The following CNTN1 variants were observed in gnomAD, a reference collection of about 807,000 sequenced individuals.
The protein encoded by CNTN1 is contactin-1.
CNTN1 carries 38 observed loss-of-function variants against 126.4 expected under a neutral mutation model. The observed-to-expected ratio is 0.30, with a 90% CI of 0.23 to 0.39. The LOEUF is 0.39. Among genes scored for constraint, CNTN1 ranks in the 10% least tolerant of loss-of-function variants. The probability of loss-of-function intolerance (pLI) is 1.00; values close to 1 mark genes in which losing one functional copy is unlikely to be tolerated. For missense variants in CNTN1, 1,009 were observed against 1,248.4 expected, an observed-to-expected ratio of 0.81 and a Z score of 2.89; for synonymous variants, 413 against 422.6, an observed-to-expected ratio of 0.98 and a Z score of 0.28.
chr12:40,833,887 C>T (rs1160677283), intron 1 of CNTN1, among the ~76,000 whole-genome samples: 2 of 152,170 alleles, frequency 1.3e-5, no homozygotes, highest in Non-Finnish European at 2.9e-5. Flanking sequence ...TATCTTTATA[C>T]TTGAATATAG....
intron 14 of CNTN1, among the ~76,000 whole-genome samples, chr12:40,947,782 TACACACACACACACACACACAC>T (rs56852774): frequency 8.4e-6 from 1 of 118,920 alleles, no homozygotes; most frequent in African/African-American, 3.2e-5. Context: ...TATATATATA[TACACACACACACACACACACAC>T]ACACACACAC....
intron 23 of CNTN1, among the ~76,000 whole-genome samples, chr12:41,030,061 T>C (rs949657929): frequency 3.3e-5 from 5 of 152,072 alleles, no homozygotes; most frequent in South Asian, 2.1e-4. Flanking sequence ...AGAACAAAGA[T>C]GATAATAAAT....
Position 40,943,616 on chromosome 12 carries a change from G to A in CNTN1, c.1399G>A (p.Gly467Ser). 2 of 1,585,336 alleles carry A rather than the reference G, an allele frequency of 1.3e-6. No homozygotes were observed. The highest frequency in any genetic ancestry group is 1.7e-6 in the Non-Finnish European group (2 of 1,154,148). ...CACTAGAATACTCATTTGGGAAGAT[G>A]GTAGCTTGGAAATCAACAACATTAC... ...NSSRILIWEDGSLEINNITRN... is the reference protein window; with the variant it reads ...NSSRILIWEDSSLEINNITRN... Residue 467 changes from glycine (G) to serine (S), a missense_variant, in exon 13 of 24, where the codon GGT becomes AGT. By Grantham distance (56) the Gly-to-Ser change is moderately conservative (BLOSUM62 0). Transcript: ENST00000551295.
chr12:40,880,816 G>A (rs1234702145), intron 1 of CNTN1, among the ~76,000 whole-genome samples: 2 of 151,848 alleles, frequency 1.3e-5, no homozygotes, highest in South Asian at 2.1e-4. Context: ...TTCTTCTCAG[G>A]CTCCATGACA....
chr12:40,922,948 T>C (rs1157560222), intron 5 of CNTN1, among the ~76,000 whole-genome samples: 1 of 129,288 alleles, frequency 7.7e-6, no homozygotes, highest in East Asian at 2.2e-4. Flanking sequence ...TCCAGCCTGA[T>C]GACAGAGCAA....
At chr12:40,907,625 T>C (rs1944879218) in intron 1 of CNTN1, among the ~76,000 whole-genome samples, 1 of 152,238 alleles carries the variant, frequency 6.6e-6, no homozygotes, top group African/African-American at 2.4e-5. Context: ...TTTTCGTTTA[T>C]ATTAGTAATT....
At chr12:40,933,418 G>A in intron 7 of CNTN1, 43 bp from the exon 8 acceptor site, 1 of 1,240,008 alleles carries the variant, frequency 8.1e-7, no homozygotes, top group South Asian at 1.2e-5. Flanking sequence ...AACTAATATT[G>A]TGCCTAATAA....
chr12:41,028,310 G>A (rs1949077270), intron 22 of CNTN1, among the ~76,000 whole-genome samples: 1 of 152,126 alleles, frequency 6.6e-6, no homozygotes, highest in African/African-American at 2.4e-5. Flanking sequence ...GGGATTACAG[G>A]CATGAGCCAC....
At chr12:40,982,143 AT>A (rs1245262631) in intron 16 of CNTN1, among the ~76,000 whole-genome samples, 1 of 152,172 alleles carries the variant, frequency 6.6e-6, no homozygotes, top group Non-Finnish European at 1.5e-5. Flanking sequence ...GATTTAGGAT[AT>A]ATTTTAATAT....
At chr12:40,922,140 CTTAA>C in intron 4 of CNTN1, 112 bp from the exon 5 acceptor site, 1 of 822,068 alleles carries the variant, frequency 1.2e-6, no homozygotes. Context: ...GAATCATATT[CTTAA>C]TTGTCTGACT....
chr12:40,981,746 G>A (rs1947828248), intron 16 of CNTN1, among the ~76,000 whole-genome samples: 1 of 151,896 alleles, frequency 6.6e-6, no homozygotes, highest in Non-Finnish European at 1.5e-5. Flanking sequence ...CTGTAAAATG[G>A]AAGATTGAAG....
chr12:40,711,537 C>T (rs977794115), intron 1 of CNTN1, among the ~76,000 whole-genome samples: 4 of 152,056 alleles, frequency 2.6e-5, no homozygotes, highest in Non-Finnish European at 5.9e-5. Flanking sequence ...GCTTGGCTAA[C>T]TCTCTTTATC....
At chr12:40,761,605 G>A (rs1280521003) in intron 1 of CNTN1, among the ~76,000 whole-genome samples, 3 of 151,938 alleles carry the variant, frequency 2.0e-5, no homozygotes, top group Non-Finnish European at 4.4e-5. Flanking sequence ...AAAATCTACT[G>A]GTTGGTAGCT....
At chr12:40,924,995 A>G (rs1945593178) in intron 6 of CNTN1, among the ~76,000 whole-genome samples, 1 of 150,736 alleles carries the variant, frequency 6.6e-6, no homozygotes, top group Non-Finnish European at 1.5e-5. Context: ...GAAAGGATGT[A>G]TAATCAATCA....
chr12:40,984,001 A>G (rs1168685170), intron 16 of CNTN1, among the ~76,000 whole-genome samples: 1 of 143,798 alleles, frequency 7.0e-6, no homozygotes, highest in Non-Finnish European at 1.5e-5. Flanking sequence ...AATATTTAGT[A>G]ATATATTATT....
At chr12:40,695,318 A>G (rs185606336) in intron 1 of CNTN1, among the ~76,000 whole-genome samples, 1 of 152,216 alleles carries the variant, frequency 6.6e-6, no homozygotes, top group African/African-American at 2.4e-5. Context: ...TGGCTTTATG[A>G]TCCTCTCCAT....
intron 1 of CNTN1, among the ~76,000 whole-genome samples, chr12:40,766,006 G>A (rs1592062714): frequency 6.6e-6 from 1 of 152,270 alleles, no homozygotes; most frequent in African/African-American, 2.4e-5. Context: ...GAAACTAAGA[G>A]GAGGAAAGAC....
chr12:40,967,301 T>G (rs1299784829), intron 15 of CNTN1, among the ~76,000 whole-genome samples: 3 of 151,744 alleles, frequency 2.0e-5, no homozygotes, highest in Non-Finnish European at 4.4e-5. Context: ...ACCAATATGG[T>G]GAAACCCCAT....
At chr12:40,818,966 G>A (rs1024783101) in intron 1 of CNTN1, among the ~76,000 whole-genome samples, 12 of 152,070 alleles carry the variant, frequency 7.9e-5, no homozygotes, top group African/African-American at 2.9e-4. Context: ...TTTGCCGGGG[G>A]TTCGCTTCAG....
Sources: gnomAD v4.1 joint callset for allele counts (sites outside exome capture counted in the v4.1 genomes callset) on GRCh38, gnomAD v4.1.1 for gene constraint, MANE v1.5 for transcripts, NCBI Gene and HGNC (gene_info 2026-07-23, HGNC 2026-07-21) for gene names.